Variants in CDH13 observed in about 807,000 individuals in gnomAD.
CDH13 encodes the protein cadherin 13, also known as cadherin-13.
CDH13 carries 24 observed loss-of-function variants against 63.8 expected under a neutral mutation model. The ratio of observed to expected loss-of-function variants is 0.38; its 90% CI spans 0.27 to 0.53. The LOEUF (loss-of-function observed/expected upper bound fraction) is 0.53, where lower values mean the gene tolerates loss of function less well. CDH13 is among the 20% of genes least tolerant of loss of function. CDH13 has a pLI of 0.85. For missense variants in CDH13, 1,049 were observed against 903.1 expected, an observed-to-expected ratio of 1.16 and a Z score of -2.07; for synonymous variants, 503 against 355.3, an observed-to-expected ratio of 1.42 and a Z score of -4.67.
At chr16:82,921,688 G>C (rs574884610) in intron 2 of CDH13, among the ~76,000 whole-genome samples, 1 of 152,230 alleles carries the variant, frequency 6.6e-6, no homozygotes, top group South Asian at 2.1e-4. Context: ...ATTCCTGAGA[G>C]ATATTGGTCT....
intron 10 of CDH13, among the ~76,000 whole-genome samples, chr16:83,718,736 A>G (rs986484851): frequency 3.9e-5 from 6 of 152,172 alleles, no homozygotes; most frequent in African/African-American, 1.4e-4. Context: ...TTGTTTTTTC[A>G]GGGTCTTATC....
intron 7 of CDH13, among the ~76,000 whole-genome samples, chr16:83,566,238 A>G (rs1490720987): frequency 6.6e-6 from 1 of 152,012 alleles, no homozygotes; most frequent in Non-Finnish European, 1.5e-5. Flanking sequence ...AAGGGTTGGC[A>G]TCGTTCCCCA....
intron 6 of CDH13, among the ~76,000 whole-genome samples, chr16:83,407,557 G>A (rs971379712): frequency 2.0e-5 from 3 of 152,148 alleles, no homozygotes; most frequent in African/African-American, 7.2e-5. Context: ...ATAAAATGTA[G>A]TGATTCATTA....
At chr16:83,415,564 T>C (rs1391901247) in intron 6 of CDH13, among the ~76,000 whole-genome samples, 1 of 152,108 alleles carries the variant, frequency 6.6e-6, no homozygotes, top group Non-Finnish European at 1.5e-5. Flanking sequence ...GGATCACAGG[T>C]CATGATCAAG....
intron 3 of CDH13, among the ~76,000 whole-genome samples, chr16:83,054,414 GCA>G: frequency 6.6e-6 from 1 of 152,170 alleles, no homozygotes; most frequent in African/African-American, 2.4e-5. Flanking sequence ...TTGCATACAA[GCA>G]CTGATATCTC....
rs114004800 is a variant in CDH13 at position 82,680,382 on chromosome 16, G to C, written c.45+53245G>C. Among the ~76,000 whole-genome samples the C allele has an allele frequency of 6.2e-3, 937 of 152,326 alleles. 9 individuals carry two copies. Among genetic ancestry groups the C allele is most frequent in the African/African-American group, 0.021 (883 of 41,568 alleles). ...AACTGAGACTTGTAGAGGTTAGGTA[G>C]TTTGGCCCTCATCACAGTGCCAGGA... On this transcript the variant is annotated intron_variant, in intron 1 of 13. Coordinates refer to ENST00000567109, the MANE Select transcript of CDH13 (RefSeq NM_001257.5).
At chr16:83,413,223 C>A (rs1339496099) in intron 6 of CDH13, among the ~76,000 whole-genome samples, 2 of 152,078 alleles carry the variant, frequency 1.3e-5, no homozygotes, top group African/African-American at 4.8e-5. Flanking sequence ...ATTGTAGAAC[C>A]CATTAAATTT....
chr16:82,713,569 G>T (rs28469730), intron 1 of CDH13, among the ~76,000 whole-genome samples: 26,502 of 152,054 alleles, frequency 0.17, 2,536 homozygotes, highest in East Asian at 0.29. Context: ...GGACTCAGAG[G>T]TTGCAGAAAG....
chr16:83,230,399 G>C (rs1424395941), intron 5 of CDH13, among the ~76,000 whole-genome samples: 1 of 152,194 alleles, frequency 6.6e-6, no homozygotes, highest in Non-Finnish European at 1.5e-5. Context: ...GCAAGTTGAT[G>C]TGGAAGAAGT....
intron 4 of CDH13, among the ~76,000 whole-genome samples, chr16:83,174,598 C>A (rs768694590): frequency 1.3e-5 from 2 of 151,878 alleles, no homozygotes; most frequent in Non-Finnish European, 2.9e-5. Context: ...CCACTAGCCA[C>A]CTGTGGTTAC....
At chr16:82,921,390 T>G (rs977175686) in intron 2 of CDH13, among the ~76,000 whole-genome samples, 1 of 152,146 alleles carries the variant, frequency 6.6e-6, no homozygotes, top group African/African-American at 2.4e-5. Flanking sequence ...CAAGTATCCC[T>G]TTTCTCTGGT....
chr16:83,596,517 A>G (rs1907274181), intron 7 of CDH13, among the ~76,000 whole-genome samples: 1 of 152,176 alleles, frequency 6.6e-6, no homozygotes, highest in Admixed American at 6.5e-5. Flanking sequence ...TCCTGGAGAA[A>G]GGGCATCTGT....
chr16:83,217,243 C>T (rs1292868431), intron 4 of CDH13, 102 bp from the exon 5 acceptor site: 2 of 1,151,670 alleles, frequency 1.7e-6, no homozygotes, highest in African/African-American at 3.0e-5. Context: ...TACCCATGTG[C>T]TGGCACCTGT....
At chr16:82,967,483 C>A (rs964386754) in intron 2 of CDH13, among the ~76,000 whole-genome samples, 9 of 152,058 alleles carry the variant, frequency 5.9e-5, no homozygotes, top group Non-Finnish European at 4.4e-5. Context: ...GTAAGCAGTC[C>A]CTAAAGCTAA....
At chr16:83,032,993 C>T (rs1916510184) in intron 3 of CDH13, among the ~76,000 whole-genome samples, 1 of 152,074 alleles carries the variant, frequency 6.6e-6, no homozygotes, top group Admixed American at 6.6e-5. Flanking sequence ...GTATATATTA[C>T]ATGCACATAT....
chr16:83,697,620 C>A (rs1304269451), intron 10 of CDH13, among the ~76,000 whole-genome samples: 1 of 152,196 alleles, frequency 6.6e-6, no homozygotes, highest in African/African-American at 2.4e-5. Context: ...TGACCAGAGG[C>A]TTGAGGAAAC....
intron 10 of CDH13, among the ~76,000 whole-genome samples, chr16:83,741,779 T>C (rs1185632904): frequency 6.6e-6 from 1 of 152,096 alleles, no homozygotes; most frequent in Non-Finnish European, 1.5e-5. Flanking sequence ...ATGGGTCCCC[T>C]ACATCAGGGG....
chr16:82,903,034 TC>T (rs982394059), intron 2 of CDH13, among the ~76,000 whole-genome samples: 11 of 152,224 alleles, frequency 7.2e-5, no homozygotes, highest in Admixed American at 4.6e-4. Context: ...TTACATTATT[TC>T]TTTGAATCCT....
At chr16:82,972,147 T>A (rs1420736614) in intron 2 of CDH13, among the ~76,000 whole-genome samples, 1 of 152,102 alleles carries the variant, frequency 6.6e-6, no homozygotes, top group Admixed American at 6.6e-5. Flanking sequence ...GGACACTGAT[T>A]AGGCACAGAG....
Sources: allele counts gnomAD v4.1 joint callset (sites outside exome capture counted in the v4.1 genomes callset), GRCh38; gene constraint gnomAD v4.1.1; transcripts MANE v1.5; gene names NCBI Gene and HGNC (gene_info 2026-07-23, HGNC 2026-07-21).